The following AMBRA1 variants were observed in gnomAD, a reference collection of about 807,000 sequenced individuals.
The protein encoded by AMBRA1 is autophagy and beclin 1 regulator 1.
Under a neutral mutation model 125.4 loss-of-function variants are expected in AMBRA1, and 47 were observed. The observed-to-expected ratio is 0.37, with a 90% CI of 0.30 to 0.48. The LOEUF (loss-of-function observed/expected upper bound fraction) is 0.48. Ranked by LOEUF, AMBRA1 falls within the 20% of genes least tolerant of loss-of-function variation. The pLI is 0.99. For missense variants in AMBRA1, 1,331 were observed against 1,693.4 expected (o/e 0.79, Z 3.76); for synonymous variants, 626 against 655.5 (o/e 0.95, Z 0.69).
chr11:46,547,031 A>G (rs1953054396), intron 4 of AMBRA1, 82 bp downstream of exon 4: 1 of 1,353,918 alleles, frequency 7.4e-7, no homozygotes, highest in Non-Finnish European at 1.0e-6. Context: ...AGATCACACC[A>G]CTGGGCAACA....
At chr11:46,422,065 T>A (rs1946873226) in intron 14 of AMBRA1, among the ~76,000 whole-genome samples, 1 of 152,180 alleles carries the variant, frequency 6.6e-6, no homozygotes, top group Non-Finnish European at 1.5e-5. Flanking sequence ...TCCCCCACTC[T>A]TCTCTCTGAC....
chr11:46,435,780 G>T (rs1443806787), intron 12 of AMBRA1, among the ~76,000 whole-genome samples: 1 of 152,236 alleles, frequency 6.6e-6, no homozygotes, highest in Non-Finnish European at 1.5e-5. Flanking sequence ...AGCCTGGTAA[G>T]GTGGCAAGAT....
At chr11:46,536,137 T>C (rs533720646) in intron 7 of AMBRA1, among the ~76,000 whole-genome samples, 28 of 152,250 alleles carry the variant, frequency 1.8e-4, no homozygotes, top group Non-Finnish European at 3.2e-4. Flanking sequence ...ACAGGACTTA[T>C]ATTGCATATG....
intron 11 of AMBRA1, among the ~76,000 whole-genome samples, chr11:46,489,361 G>T (rs910654092): frequency 6.6e-6 from 1 of 152,068 alleles, no homozygotes; most frequent in Non-Finnish European, 1.5e-5. Flanking sequence ...AGCCAGGATG[G>T]TCTCAATCTC....
chr11:46,528,124 C>G (rs1952058002), intron 7 of AMBRA1, among the ~76,000 whole-genome samples: 2 of 152,152 alleles, frequency 1.3e-5, no homozygotes, highest in African/African-American at 4.8e-5. Flanking sequence ...ATTATTCAGC[C>G]TTTGAAAAGA....
rs1338395659 is a variant in AMBRA1 at position 46,433,585 on chromosome 11, A to G, written c.2865T>C (p.Tyr955=). The part of the protein sequence containing the change: ...ISVSLSPMGR[Y]VMVGLASRRI... Reference sequence around the variant, plus strand: ...TTCGTGAGGCCAAGCCCACCATTACATATCTGCCCATTGGGGACAGGCTCA... The same window carrying G: ...TTCGTGAGGCCAAGCCCACCATTACGTATCTGCCCATTGGGGACAGGCTCA... The change falls in exon 14 of 18, where the codon TAT becomes TAC. Residue 955 remains tyrosine, a synonymous_variant. Coordinates refer to ENST00000683756, the MANE Select transcript of AMBRA1 (RefSeq NM_001387011.1). The G allele has an allele frequency of 7.4e-6, 12 of 1,614,004 alleles. No individual in the cohort carries two copies. The African/African-American group carries it at 8.0e-5, about 11-fold the overall frequency.
At chr11:46,459,196 T>C (rs556469911) in intron 11 of AMBRA1, among the ~76,000 whole-genome samples, 1 of 152,174 alleles carries the variant, frequency 6.6e-6, no homozygotes, top group South Asian at 2.1e-4. Flanking sequence ...CACTACAAAA[T>C]AAAATGATGA....
chr11:46,563,247 T>C (rs2043399245), intron 1 of AMBRA1, among the ~76,000 whole-genome samples: 1 of 152,038 alleles, frequency 6.6e-6, no homozygotes. Flanking sequence ...ATCTCTTTTT[T>C]TTGTTTGTTT....
intron 11 of AMBRA1, among the ~76,000 whole-genome samples, chr11:46,485,127 A>G (rs949564915): frequency 1.3e-5 from 2 of 151,846 alleles, no homozygotes; most frequent in African/African-American, 4.8e-5. Context: ...TAGTAGAGAC[A>G]GGGTTTCACC....
At chr11:46,540,997 C>T (rs541544258) in intron 7 of AMBRA1, among the ~76,000 whole-genome samples, 1 of 152,308 alleles carries the variant, frequency 6.6e-6, no homozygotes, top group South Asian at 2.1e-4. Context: ...TTCATATTCC[C>T]ACCCTTGTTA....
At chr11:46,496,553 C>T (rs1012830440) in intron 9 of AMBRA1, among the ~76,000 whole-genome samples, 2 of 152,120 alleles carry the variant, frequency 1.3e-5, no homozygotes, top group Admixed American at 6.5e-5. Flanking sequence ...ACAACAAACA[C>T]GAATCTATCT....
At chr11:46,424,951 A>T (rs1434428326) in intron 14 of AMBRA1, among the ~76,000 whole-genome samples, 1 of 152,116 alleles carries the variant, frequency 6.6e-6, no homozygotes, top group African/African-American at 2.4e-5. Context: ...CCTGACCAAG[A>T]TGGTGAAACC....
chr11:46,545,894 A>C, intron 4 of AMBRA1, 118 bp from the exon 5 acceptor site: 1 of 867,394 alleles, frequency 1.2e-6, no homozygotes, highest in Non-Finnish European at 1.8e-6. Context: ...TACTTTAAAT[A>C]CATCCTCTGT....
chr11:46,410,857 C>T (rs771119800), intron 15 of AMBRA1, among the ~76,000 whole-genome samples: 1 of 152,220 alleles, frequency 6.6e-6, no homozygotes, highest in Non-Finnish European at 1.5e-5. Context: ...AATCCCAGCA[C>T]TTTGGGAGGC....
At chr11:46,450,204 A>G (rs1191250828) in intron 11 of AMBRA1, among the ~76,000 whole-genome samples, 1 of 152,232 alleles carries the variant, frequency 6.6e-6, no homozygotes, top group Non-Finnish European at 1.5e-5. Context: ...ACTGTGGCAC[A>G]TCCATACAAT....
chr11:46,413,692 T>C (rs996210126), intron 15 of AMBRA1, among the ~76,000 whole-genome samples: 1 of 152,174 alleles, frequency 6.6e-6, no homozygotes, highest in Admixed American at 6.5e-5. Flanking sequence ...TGTTTCGCCA[T>C]GTTGGCCAGG....
At chr11:46,485,782 C>A (rs1768933942) in intron 11 of AMBRA1, among the ~76,000 whole-genome samples, 1 of 152,140 alleles carries the variant, frequency 6.6e-6, no homozygotes, top group Non-Finnish European at 1.5e-5. Flanking sequence ...CAGAAAAGTT[C>A]ATTGACAAGG....
At chr11:46,421,506 T>C (rs1330129347) in intron 14 of AMBRA1, among the ~76,000 whole-genome samples, 1 of 152,186 alleles carries the variant, frequency 6.6e-6, no homozygotes, top group Non-Finnish European at 1.5e-5. Flanking sequence ...GGGTGCAGAA[T>C]GGGAGGTTAA....
chr11:46,484,799 C>CA (rs1303457146), intron 11 of AMBRA1, among the ~76,000 whole-genome samples: 1 of 151,984 alleles, frequency 6.6e-6, no homozygotes, highest in Non-Finnish European at 1.5e-5. Context: ...CACCTGCCAC[C>CA]ACACCAGGCT....
Sources: gnomAD v4.1 joint callset for allele counts (sites outside exome capture counted in the v4.1 genomes callset) on GRCh38, gnomAD v4.1.1 for gene constraint, MANE v1.5 for transcripts, NCBI Gene and HGNC (gene_info 2026-07-23, HGNC 2026-07-21) for gene names.